The following ADRA1B variants were observed in gnomAD, a reference collection of about 807,000 sequenced individuals.
The protein encoded by ADRA1B is alpha-1B adrenergic receptor.
A neutral mutation model predicts 17.9 loss-of-function variants in ADRA1B; 17 were observed. That is an observed-to-expected ratio of 0.95 (90% CI 0.65 to 1.42). ADRA1B has a LOEUF of 1.42. Among genes scored for constraint, ADRA1B ranks in the 40% most tolerant of loss-of-function variants. The pLI is 0.00. For missense variants in ADRA1B, 681 were observed against 722.1 expected (o/e 0.94, Z 0.65); for synonymous variants, 366 against 327.6 (o/e 1.12, Z -1.27).
intron 1 of ADRA1B, among the ~76,000 whole-genome samples, chr5:159,866,600 A>AC (rs1462366986): frequency 1.3e-5 from 2 of 151,884 alleles, no homozygotes; most frequent in Non-Finnish European, 2.9e-5. Context: ...AAAGGAAAAA[A>AC]AAAAAAAAGA....
intron 1 of ADRA1B, among the ~76,000 whole-genome samples, chr5:159,961,078 C>T (rs573580299): frequency 1.3e-5 from 2 of 152,296 alleles, no homozygotes; most frequent in African/African-American, 4.8e-5. Flanking sequence ...ATTCAGCATT[C>T]CCAGTTAAGG....
At chr5:159,892,537 A>G (rs891492488) in intron 1 of ADRA1B, among the ~76,000 whole-genome samples, 3 of 152,018 alleles carry the variant, frequency 2.0e-5, no homozygotes, top group African/African-American at 7.3e-5. Flanking sequence ...CCACGTGTCC[A>G]TGTGTTCTCA....
chr5:159,899,575 G>A (rs927308969), intron 1 of ADRA1B, among the ~76,000 whole-genome samples: 1 of 152,192 alleles, frequency 6.6e-6, no homozygotes, highest in Non-Finnish European at 1.5e-5. Flanking sequence ...CATACTGACA[G>A]TGCTCTGCAC....
exon 1 of ADRA1B, chr5:159,865,124 CAT>C: frequency 6.6e-6 from 1 of 152,132 alleles, no homozygotes; most frequent in Admixed American, 6.5e-5. Context: ...CTGAGTTGAT[CAT>C]AGTGTGCTGT....
chr5:159,965,983 G>A (rs769851263), intron 1 of ADRA1B, among the ~76,000 whole-genome samples: 4 of 152,000 alleles, frequency 2.6e-5, no homozygotes, highest in East Asian at 1.9e-4. Flanking sequence ...CCATGTTGGC[G>A]AGGCTGGTCT....
intron 1 of ADRA1B, among the ~76,000 whole-genome samples, chr5:159,907,780 A>G (rs1452351833): frequency 6.6e-6 from 1 of 152,254 alleles, no homozygotes; most frequent in African/African-American, 2.4e-5. Context: ...TTAAATAAAT[A>G]AAGTAACTTG....
At chr5:159,915,839 G>C (rs1754286853), upstream of ADRA1B, among the ~76,000 whole-genome samples, 1 of 152,170 alleles carries the variant, frequency 6.6e-6, no homozygotes, top group African/African-American at 2.4e-5. Context: ...CTTCTGTCGG[G>C]AGAAGCTACG....
intron 1 of ADRA1B, among the ~76,000 whole-genome samples, chr5:159,883,014 C>T (rs1253078076): frequency 1.3e-5 from 2 of 152,162 alleles, no homozygotes; most frequent in Non-Finnish European, 2.9e-5. Context: ...GTTCACATGA[C>T]CACCTCTTTA....
intron 1 of ADRA1B, among the ~76,000 whole-genome samples, chr5:159,876,983 T>C (rs951587874): frequency 6.6e-6 from 1 of 152,064 alleles, no homozygotes; most frequent in African/African-American, 2.4e-5. Context: ...GTTCTCCAGA[T>C]TTTCTTCCCC....
intron 1 of ADRA1B, chr5:159,948,346 C>T: frequency 4.1e-6 from 4 of 985,378 alleles, no homozygotes; most frequent in Non-Finnish European, 3.6e-6. Flanking sequence ...CCTGGTATCT[C>T]AACAAGGAAA....
At chr5:159,891,276 C>T (rs769340546) in intron 1 of ADRA1B, among the ~76,000 whole-genome samples, 3 of 152,146 alleles carry the variant, frequency 2.0e-5, no homozygotes, top group Non-Finnish European at 4.4e-5. Flanking sequence ...CAATAAACTC[C>T]AAGATGACTT....
chr5:159,888,665 C>A (rs1024717355), intron 1 of ADRA1B, among the ~76,000 whole-genome samples: 3 of 152,106 alleles, frequency 2.0e-5, no homozygotes, highest in Non-Finnish European at 4.4e-5. Context: ...AAAGCACCTA[C>A]CCCTCCTAGG....
chr5:159,966,365 CA>C (rs1418625553), intron 1 of ADRA1B, among the ~76,000 whole-genome samples: 1 of 152,166 alleles, frequency 6.6e-6, no homozygotes, highest in Non-Finnish European at 1.5e-5. Context: ...TCACAACAAT[CA>C]GAGAGGTCAG....
chr5:159,874,336 T>C (rs1386584971), intron 1 of ADRA1B, among the ~76,000 whole-genome samples: 3 of 152,350 alleles, frequency 2.0e-5, no homozygotes, highest in South Asian at 2.1e-4. Context: ...CCTTATTTTC[T>C]TGGCTATCCC....
At chr5:159,948,568 A>C (rs959745120) in intron 1 of ADRA1B, 1 of 700,590 alleles carries the variant, frequency 1.4e-6, no homozygotes, top group Non-Finnish European at 1.8e-6. Flanking sequence ...GATAGTAAAA[A>C]GCCACCCCTT....
At chr5:159,967,259 G>A (rs1755792515) in intron 1 of ADRA1B, among the ~76,000 whole-genome samples, 1 of 152,180 alleles carries the variant, frequency 6.6e-6, no homozygotes. Flanking sequence ...TACAATCTGG[G>A]TGATGAACTA....
chr5:159,928,902 C>T (rs758138896), intron 1 of ADRA1B: 5 of 151,908 alleles, frequency 3.3e-5, no homozygotes, highest in Non-Finnish European at 7.3e-5. Context: ...ATTGCATCTC[C>T]GATTCATATA....
At chr5:159,876,178 A>G (rs911191572) in intron 1 of ADRA1B, among the ~76,000 whole-genome samples, 4 of 152,168 alleles carry the variant, frequency 2.6e-5, no homozygotes, top group Non-Finnish European at 5.9e-5. Context: ...ACAGAGCAAG[A>G]CTCTGTCTCA....
intron 1 of ADRA1B, chr5:159,929,083 A>G (rs1293291304): frequency 2.0e-5 from 3 of 152,176 alleles, no homozygotes; most frequent in South Asian, 2.1e-4. Context: ...CCCCTTTGGC[A>G]ATCTGATGAA....
Sources: allele counts gnomAD v4.1 joint callset (sites outside exome capture counted in the v4.1 genomes callset), GRCh38; gene constraint gnomAD v4.1.1; transcripts MANE v1.5; gene names NCBI Gene and HGNC (gene_info 2026-07-23, HGNC 2026-07-21).